Variants in PLA2G4F observed in about 807,000 individuals in gnomAD.
PLA2G4F encodes the protein phospholipase A2 group IVF.
Under a neutral mutation model 103.1 loss-of-function variants are expected in PLA2G4F, and 105 were observed. The observed-to-expected ratio is 1.02, with a 90% CI of 0.87 to 1.20. The LOEUF is 1.20. Among genes scored for constraint, PLA2G4F ranks in the 50% most tolerant of loss-of-function variants. PLA2G4F has a pLI of 0.00. For synonymous variants in PLA2G4F, 468 were observed against 441.1 expected (o/e 1.06, Z -0.76); for missense variants, 1,155 against 1,075.9 (o/e 1.07, Z -1.03).
At position 42,142,516 on chromosome 15, in the gene PLA2G4F, A is replaced by C. The variant is rs745908863; in HGVS notation, c.2329+12T>G. The stretch of plus-strand genomic sequence containing the variant: ...CTCTGTGGGTCAGTCCCAGGCCTGG[A>C]GCTTCCCTTACCTGGGGCCAGGTGT... On this transcript the variant is annotated intron_variant, in intron 19 of 19. Transcript: ENST00000397272. 1 of 1,608,502 alleles carries C rather than the reference A, an allele frequency of 6.2e-7. No individual in the cohort carries two copies. The highest frequency in any genetic ancestry group is 8.5e-7 in the Non-Finnish European group (1 of 1,176,388).
Position 42,155,527 on chromosome 15 carries a change from G to A in PLA2G4F, c.174C>T (p.Gly58=), listed in dbSNP as rs754145265. ...GATGGGGTCACTCACGCAGGTCTGT[G>A]CCCCGGATGTTTGTGGCCCTCAGCA... ...VKVLRATNIR[G]TDLLSKADCY... The change falls in exon 2 of 20, where the codon GGC becomes GGT. Residue 58 remains glycine, a synonymous_variant. Transcript: ENST00000397272. The A allele has an allele frequency of 2.5e-6, 4 of 1,613,978 alleles. No individual in the cohort carries two copies. The African/African-American group carries it at 5.3e-5, about 22-fold the overall frequency.
chr15:42,150,640 C>A lies in PLA2G4F; in HGVS notation c.739G>T (p.Val247Leu), dbSNP rs150638887. Reference protein sequence around the residue: ...VNPVLSSRLHVELMELLAAVQ... With the variant: ...VNPVLSSRLHLELMELLAAVQ... ...GCTGCCAGCAGCTCCATCAGCTCCA[C>A]GTGTAGCCTGGAGCTCAGCACTGGG... Residue 247 changes from valine to leucine, a missense_variant, in exon 8 of 20, where the codon GTG becomes TTG. By Grantham distance (32) the Val-to-Leu change is conservative. Transcript: ENST00000397272. 6.2e-7 allele frequency: 1 copy of A among 1,612,762 alleles called. No homozygotes were observed. The highest frequency in any genetic ancestry group is 1.3e-5 in the African/African-American group (1 of 74,930).
chr15:42,143,548 T>G (rs766934809), intron 18 of PLA2G4F, among the ~76,000 whole-genome samples: 1 of 152,146 alleles, frequency 6.6e-6, no homozygotes, highest in Non-Finnish European at 1.5e-5. Context: ...CCAGCAGAGA[T>G]GGAGGGACTT....
rs201683192 is a variant in PLA2G4F at position 42,150,692 on chromosome 15, G to C, written c.687C>G (p.Leu229=). ...TCACGTGGAAGGTAAAGGTGGGTGG[G>C]AGGCCTGGCTCTGTGGGAGGCTGCA... ...LPLQPPTEPG[L]PPTFTFHVNP... The change falls in exon 8 of 20, where the codon CTC becomes CTG. Residue 229 remains leucine (L), a synonymous_variant. Transcript: ENST00000397272. The C allele has an allele frequency of 5.6e-5, 90 of 1,613,648 alleles. No individual in the cohort carries two copies. The Middle Eastern group carries it at 6.6e-4, about 12-fold the overall frequency.
intron 2 of PLA2G4F, among the ~76,000 whole-genome samples, chr15:42,154,754 T>G (rs1411853127): frequency 6.6e-6 from 1 of 152,152 alleles, no homozygotes; most frequent in Admixed American, 6.5e-5. Flanking sequence ...CCCCTCCCTG[T>G]GTGGGCACTG....
chr15:42,147,135 G>T lies in PLA2G4F; in HGVS notation c.1408C>A (p.Leu470Met). ...DLWGLLVEYL[L>M]YQEENPAKLS... ...GGCTCTTCTCTCACCTCCTGGTACA[G>T]GAGATACTCAACAAGGAGGCCCCAG... Residue 470 changes from leucine (L) to methionine (M), a missense_variant, in exon 13 of 20, where the codon CTG (leucine) becomes ATG (methionine). Leu to Met is a conservative substitution (Grantham distance 15). This residue lies in a region of PLA2G4F where 782 missense variants were observed against 692.9 expected (regional missense o/e 1.13). Transcript: ENST00000397272. The T allele has an allele frequency of 6.2e-7, 1 of 1,612,364 alleles. No individual in the cohort carries two copies. Among genetic ancestry groups the T allele is most frequent in the South Asian group, 1.1e-5 (1 of 91,060 alleles).
In PLA2G4F at chr15:42,143,176, TAAAAAAAAAAA is replaced by T. The variant is rs56171986; in HGVS notation, c.2143-473_2143-463del. On this transcript the variant is annotated intron_variant, in intron 18 of 19. Coordinates refer to ENST00000397272, the MANE Select transcript of PLA2G4F (RefSeq NM_213600.4). The stretch of plus-strand genomic sequence containing the variant: ...CCTGGTGACAGAGTGAGACTCCATC[TAAAAAAAAAAA>T]AAAAAAAAAAAAAAAAAAGCTCCCC... Among the ~76,000 whole-genome samples the T allele has an allele frequency of 1.9e-3, 166 of 89,674 alleles. 4 individuals are homozygous for T. The highest frequency in any genetic ancestry group is 4.7e-3 in the Admixed American group (46 of 9,846). 58.8% of individuals were successfully genotyped at this position (89,674 alleles called of 152,430 possible).
intron 5 of PLA2G4F, 91 bp downstream of exon 5, chr15:42,153,529 A>G (rs1350565413): frequency 6.4e-7 from 1 of 1,552,130 alleles, no homozygotes; most frequent in Non-Finnish European, 8.9e-7. Context: ...CAGGCCTCCA[A>G]GGCCAGTGCA....
At chr15:42,154,479 G>C (rs908085877) in intron 2 of PLA2G4F, 21 bp from the exon 3 acceptor site, 54 of 1,539,910 alleles carry the variant, frequency 3.5e-5, no homozygotes, top group Non-Finnish European at 4.5e-5. Context: ...GACAGGGAGG[G>C]GCCGGGGCCT....
intron 7 of PLA2G4F, chr15:42,151,220 G>A (rs1223186133): frequency 1.0e-6 from 1 of 985,298 alleles, no homozygotes; most frequent in South Asian, 4.7e-5. Context: ...AAGTTGTTCT[G>A]GCCTTTGTTT....
intron 7 of PLA2G4F, chr15:42,151,412 G>C: frequency 6.1e-6 from 6 of 985,378 alleles, no homozygotes; most frequent in Non-Finnish European, 7.2e-6. Flanking sequence ...TCCCTGCCCA[G>C]CTTCCCAGCA....
rs2048810647 is a variant in PLA2G4F, at chr15:42,139,403, C to G, written c.*2581G>C. 2 of 152,356 alleles carry G rather than the reference C, an allele frequency of 1.3e-5. No individual in the cohort carries two copies. Among genetic ancestry groups the G allele is most frequent in the Admixed American group, 1.3e-4 (2 of 15,298 alleles). The allele number at this position is 152,356 out of a possible 1,614,324, so 9.4% of individuals were successfully genotyped here. ...CTCCTTTCCCTATAGCTTCTCCCACCACTCTGACCAATCTCCTACACTTGT... is the reference window on the plus strand; with the variant it reads ...CTCCTTTCCCTATAGCTTCTCCCACGACTCTGACCAATCTCCTACACTTGT... On this transcript the variant is annotated 3_prime_UTR_variant, in exon 20 of 20. Transcript: ENST00000397272.
chr15:42,147,041 A>C, intron 13 of PLA2G4F, 83 bp downstream of exon 13: 2 of 1,311,080 alleles, frequency 1.5e-6, no homozygotes, highest in Non-Finnish European at 2.1e-6. Context: ...ATCAGATCTT[A>C]GCCTGAGGGA....
rs143445521 is a variant in PLA2G4F, at chr15:42,142,075, C to T, written c.2459G>A (p.Arg820Gln). 685 of 1,614,182 alleles carry T rather than the reference C, an allele frequency of 4.2e-4. No homozygotes were observed. Among genetic ancestry groups the T allele is most frequent in the African/African-American group, 3.4e-3 (257 of 75,054 alleles). The change falls in exon 20 of 20, where the codon CGA becomes CAA. Residue 820 changes from arginine (R) to glutamine (Q), a missense_variant. Physicochemically the swap from Arg to Gln is conservative, Grantham distance 43 (BLOSUM62 1). Transcript: ENST00000397272. Reference protein sequence around the residue: ...QDFYRLVALSRYNVLNNVETL... With the variant: ...QDFYRLVALSQYNVLNNVETL... ...CTCCACGTTGTTCAGGACGTTGTAT[C>T]GACTGAGGGCCACCAGCCGATAAAA...
intron 15 of PLA2G4F, 22 bp downstream of exon 15, chr15:42,145,744 C>T: frequency 1.9e-6 from 3 of 1,613,874 alleles, no homozygotes; most frequent in Non-Finnish European, 2.5e-6. Flanking sequence ...TGCCTGTCCC[C>T]AGCCCTCCAG....
Position 42,147,347 on chromosome 15 carries a change from C to G in PLA2G4F, c.1197-1G>C, listed in dbSNP as rs777187473. On this transcript the variant is annotated splice_acceptor_variant, in intron 12 of 19. Transcript: ENST00000397272. LOFTEE classifies it high-confidence loss of function. ...GTCCCTGTAGAGTGTGGAGATGCAC[C>G]TGGGGATTGGAGGTGTGCCTGAGTC... The G allele has an allele frequency of 3.1e-6, 5 of 1,604,572 alleles. No homozygotes were observed. The highest frequency in any genetic ancestry group is 4.2e-6 in the Non-Finnish European group (5 of 1,179,496).
intron 7 of PLA2G4F, 129 bp from the exon 8 acceptor site, chr15:42,150,906 C>T: frequency 2.0e-6 from 3 of 1,472,382 alleles, no homozygotes; most frequent in Middle Eastern, 2.5e-4. Flanking sequence ...CTCTTATCGC[C>T]CGCTCTCTCT....
At position 42,147,776 on chromosome 15, in the gene PLA2G4F, TAAC is replaced by T. The variant is rs764095418; in HGVS notation, c.1060-17_1060-15del. On this transcript the variant is annotated splice_polypyrimidine_tract_variant and intron_variant, in intron 11 of 19. Coordinates refer to ENST00000397272, the MANE Select transcript of PLA2G4F (RefSeq NM_213600.4). ...CACTACAGGCACCTGGGTACAATAA[TAAC>T]AAGGATAACGACTCCGACTACCACC... The T allele has an allele frequency of 5.3e-5, 86 of 1,608,782 alleles. No individual in the cohort carries two copies. Among genetic ancestry groups the T allele is most frequent in the Non-Finnish European group, 7.1e-5 (83 of 1,177,032 alleles).
chr15:42,147,849 G>A, intron 11 of PLA2G4F, 87 bp from the exon 12 acceptor site: 7 of 1,542,602 alleles, frequency 4.5e-6, no homozygotes, highest in Non-Finnish European at 6.2e-6. Context: ...ATTATTCTAA[G>A]AGTCTTACAC....
Sources: gnomAD v4.1 joint callset for allele counts (sites outside exome capture counted in the v4.1 genomes callset) on GRCh38, gnomAD v4.1.1 for gene constraint, gnomAD v4.1.1 regional missense constraint, MANE v1.5 for transcripts, NCBI Gene and HGNC (gene_info 2026-07-23, HGNC 2026-07-21) for gene names.